EIF4G3: variants seen among roughly 807,000 people sequenced by gnomAD.
The protein encoded by EIF4G3 is eIF-4-gamma 3.
In EIF4G3, 34 loss-of-function variants were observed where a neutral mutation model predicts 186.4. The observed-to-expected ratio is 0.18, with a 90% confidence interval of 0.14 to 0.24. The LOEUF (loss-of-function observed/expected upper bound fraction) is 0.24. Among genes scored for constraint, EIF4G3 ranks in the 10% least tolerant of loss-of-function variants. EIF4G3 has a pLI of 1.00. For missense variants in EIF4G3, 1,536 were observed against 1,948.5 expected, an observed-to-expected ratio of 0.79 and a Z score of 3.99; for synonymous variants, 673 against 679.5, an observed-to-expected ratio of 0.99 and a Z score of 0.15.
chr1:20,918,256 C>T (rs1324292599), intron 14 of EIF4G3, among the ~76,000 whole-genome samples: 1 of 152,136 alleles, frequency 6.6e-6, no homozygotes, highest in Non-Finnish European at 1.5e-5. Flanking sequence ...GTGGCTCAGG[C>T]TGGAGTGCAC....
chr1:21,124,558 G>C (rs1280776916), intron 2 of EIF4G3, among the ~76,000 whole-genome samples: 1 of 152,208 alleles, frequency 6.6e-6, no homozygotes, highest in Non-Finnish European at 1.5e-5. Context: ...GGAATAGTCA[G>C]AAGCCTTCAT....
chr1:20,947,335 C>A (rs1204399109), intron 13 of EIF4G3, among the ~76,000 whole-genome samples: 3 of 150,902 alleles, frequency 2.0e-5, no homozygotes, highest in Non-Finnish European at 2.9e-5. Context: ...TAGAACGAAA[C>A]CCTGTCTCAA....
chr1:20,958,399 A>G (rs966204531), intron 12 of EIF4G3, among the ~76,000 whole-genome samples: 6 of 152,178 alleles, frequency 3.9e-5, no homozygotes, highest in African/African-American at 1.4e-4. Flanking sequence ...GACTTACCTC[A>G]AAATAGTAAA....
intron 2 of EIF4G3, among the ~76,000 whole-genome samples, chr1:21,117,038 G>A (rs1349328601): frequency 6.6e-6 from 1 of 152,082 alleles, no homozygotes; most frequent in East Asian, 1.9e-4. Flanking sequence ...ATCTGATAAA[G>A]ACTACATATC....
chr1:20,956,845 C>A (rs1008108884), intron 12 of EIF4G3, among the ~76,000 whole-genome samples: 6 of 152,040 alleles, frequency 3.9e-5, no homozygotes, highest in Non-Finnish European at 7.4e-5. Flanking sequence ...CTCAAGCAAT[C>A]CCCCCAGCTT....
intron 10 of EIF4G3, among the ~76,000 whole-genome samples, chr1:20,974,095 G>C (rs1162164128): frequency 2.6e-5 from 4 of 152,294 alleles, no homozygotes; most frequent in African/African-American, 9.6e-5. Flanking sequence ...GTTTGGGGCA[G>C]AAAAATCAAG....
chr1:20,812,458 A>G (rs2059434503), intron 35 of EIF4G3, among the ~76,000 whole-genome samples: 1 of 152,250 alleles, frequency 6.6e-6, no homozygotes, highest in Admixed American at 6.5e-5. Context: ...CTGAAGCTAT[A>G]TTAAGTGGCA....
chr1:20,928,442 G>A (rs1468447605), intron 14 of EIF4G3, among the ~76,000 whole-genome samples: 1 of 152,066 alleles, frequency 6.6e-6, no homozygotes, highest in Non-Finnish European at 1.5e-5. Flanking sequence ...TCACTCTGTT[G>A]TCCAAGCTGG....
intron 4 of EIF4G3, among the ~76,000 whole-genome samples, chr1:21,033,480 C>T (rs1419633712): frequency 6.6e-6 from 1 of 151,856 alleles, no homozygotes; most frequent in Non-Finnish European, 1.5e-5. Context: ...TTAAATACGC[C>T]AAAGCTACTG....
chr1:21,083,971 C>T (rs750354555), intron 3 of EIF4G3, among the ~76,000 whole-genome samples: 2 of 152,108 alleles, frequency 1.3e-5, no homozygotes, highest in Non-Finnish European at 2.9e-5. Context: ...CATCCCACAT[C>T]CAAGACATCA....
At chr1:21,045,930 T>C (rs1020327976) in intron 4 of EIF4G3, among the ~76,000 whole-genome samples, 2 of 152,212 alleles carry the variant, frequency 1.3e-5, no homozygotes, top group African/African-American at 4.8e-5. Context: ...AAGAAAATTC[T>C]GATCTCATCT....
chr1:21,063,876 A>ATT (rs529362148), intron 3 of EIF4G3, among the ~76,000 whole-genome samples: 5,122 of 136,294 alleles, frequency 0.038, 140 homozygotes, highest in Non-Finnish European at 0.057. Flanking sequence ...CACCCAGCTA[A>ATT]TTTTTTTTTT....
intron 14 of EIF4G3, among the ~76,000 whole-genome samples, chr1:20,933,664 A>G (rs1036983584): frequency 2.0e-5 from 3 of 151,918 alleles, no homozygotes; most frequent in South Asian, 2.1e-4. Flanking sequence ...TTGTGGGGGG[A>G]AAAACAAAAA....
chr1:20,953,807 G>A (rs1165686819), intron 12 of EIF4G3, among the ~76,000 whole-genome samples: 2 of 152,164 alleles, frequency 1.3e-5, no homozygotes, highest in Non-Finnish European at 2.9e-5. Context: ...TGTTGGCGGG[G>A]TGGTGGGGAA....
chr1:21,000,851 T>C (rs530660984), intron 6 of EIF4G3, among the ~76,000 whole-genome samples: 2 of 152,226 alleles, frequency 1.3e-5, no homozygotes, highest in South Asian at 4.1e-4. Flanking sequence ...CTACAGACAA[T>C]TTCCTCCTTA....
intron 33 of EIF4G3, 86 bp downstream of exon 33, chr1:20,825,014 A>G (rs1442958449): frequency 3.3e-5 from 27 of 815,692 alleles, no homozygotes; most frequent in Non-Finnish European, 4.8e-5. Context: ...AATTTTAACG[A>G]CTGGAATACG....
chr1:20,985,418 T>C (rs1278371570), intron 7 of EIF4G3, among the ~76,000 whole-genome samples: 4 of 152,084 alleles, frequency 2.6e-5, no homozygotes. Context: ...CAATAGTCTA[T>C]CTGGAGCTTG....
Position 21,160,279 on chromosome 1 carries a change from A to G in EIF4G3, c.-272+15896T>C, listed in dbSNP as rs536602002. Among the ~76,000 whole-genome samples the G allele has an allele frequency of 2.6e-5, 4 of 151,942 alleles. No homozygotes were observed. In the East Asian group the frequency reaches 7.7e-4, roughly 29 times the overall value. ...CCATGAGTCCATAGTGATATGAATA[A>G]TAAACAAATGGAGGAAAGAAAGCTT... On this transcript the variant is annotated intron_variant, in intron 2 of 36. Transcript: ENST00000602326.
chr1:20,881,779 C>A (rs1006746716), intron 19 of EIF4G3, among the ~76,000 whole-genome samples: 12 of 151,268 alleles, frequency 7.9e-5, no homozygotes, highest in Admixed American at 1.3e-4. Context: ...CAAAGTGAGA[C>A]CCTGTCTCAA....
Sources: gnomAD v4.1 joint callset for allele counts (sites outside exome capture counted in the v4.1 genomes callset) on GRCh38, gnomAD v4.1.1 for gene constraint, MANE v1.5 for transcripts, NCBI Gene and HGNC (gene_info 2026-07-23, HGNC 2026-07-21) for gene names.